The following CFAP54 variants were observed in gnomAD, a reference collection of about 807,000 sequenced individuals.
CFAP54 encodes the protein cilia and flagella associated protein 54.
CFAP54 carries 290 observed loss-of-function variants against 370.4 expected under a neutral mutation model. That is an observed-to-expected ratio of 0.78 (90% confidence interval 0.71 to 0.86). The LOEUF is 0.86. CFAP54 is among the 40% of genes least tolerant of loss of function. The probability of loss-of-function intolerance (pLI) is 0.00; values close to 1 mark genes in which losing one functional copy is unlikely to be tolerated. For missense variants in CFAP54, 3,399 were observed against 3,528.7 expected (o/e 0.96, Z 0.93); for synonymous variants, 1,206 against 1,236.5 (o/e 0.98, Z 0.52).
intron 26 of CFAP54, among the ~76,000 whole-genome samples, chr12:96,609,840 A>C (rs1165526728): frequency 2.0e-5 from 3 of 152,240 alleles, no homozygotes; most frequent in Non-Finnish European, 4.4e-5. Flanking sequence ...AATGTTAAAG[A>C]ATCTAAATAA....
chr12:96,591,635 A>G (rs1413815365), intron 23 of CFAP54, among the ~76,000 whole-genome samples: 1 of 152,138 alleles, frequency 6.6e-6, no homozygotes, highest in Admixed American at 6.5e-5. Flanking sequence ...CACGCCTGTA[A>G]TCCCAGCACT....
intron 60 of CFAP54, among the ~76,000 whole-genome samples, chr12:96,765,460 T>A (rs537334900): frequency 6.6e-6 from 1 of 152,178 alleles, no homozygotes; most frequent in African/African-American, 2.4e-5. Flanking sequence ...AAAAATGATA[T>A]TTTACATCTG....
At chr12:96,731,549 T>C (rs1957918728) in intron 50 of CFAP54, among the ~76,000 whole-genome samples, 1 of 152,224 alleles carries the variant, frequency 6.6e-6, no homozygotes. Flanking sequence ...TAGTATTTGT[T>C]GCCGATGATA....
At chr12:96,758,393 A>G (rs1455815059) in intron 58 of CFAP54, among the ~76,000 whole-genome samples, 2 of 152,172 alleles carry the variant, frequency 1.3e-5, no homozygotes, top group Non-Finnish European at 2.9e-5. Flanking sequence ...CAGACAAAGA[A>G]TGAGAACCAA....
intron 26 of CFAP54, among the ~76,000 whole-genome samples, chr12:96,616,829 C>T (rs974548318): frequency 1.5e-4 from 23 of 152,112 alleles, no homozygotes; most frequent in South Asian, 4.1e-4. Flanking sequence ...GTGCCATTGA[C>T]GGGTTTCACA....
At position 96,581,006 on chromosome 12, in the gene CFAP54, C is replaced by G; in HGVS notation, c.2976C>G (p.Asn992Lys). ...KYVFAVAAYS[N>K]NGKLVGGAIG... ...TATTTGCAGTTGCTGCCTATTCTAA[C>G]AACGGAAAGCTTGTCGGTGGTGCTA... The change falls in exon 22 of 68, where the codon AAC (asparagine) becomes AAG (lysine). Residue 992 changes from asparagine to lysine, a missense_variant. Physicochemically the swap from Asn to Lys is moderately conservative, Grantham distance 94 (BLOSUM62 0). Transcript: ENST00000524981. The G allele has an allele frequency of 3.9e-6, 6 of 1,534,096 alleles. No homozygotes were observed. In the South Asian group the frequency reaches 7.2e-5, roughly 18 times the overall value.
intron 55 of CFAP54, among the ~76,000 whole-genome samples, chr12:96,746,799 C>T: frequency 6.6e-6 from 1 of 152,124 alleles, no homozygotes; most frequent in South Asian, 2.1e-4. Flanking sequence ...TAGGAATAAT[C>T]TTCCCCTGAA....
chr12:96,546,256 C>T (rs538546705), intron 14 of CFAP54, among the ~76,000 whole-genome samples: 5 of 152,242 alleles, frequency 3.3e-5, no homozygotes, highest in South Asian at 2.1e-4. Context: ...TGGTGTCCAC[C>T]GCAGAATTGA....
At chr12:96,692,830 G>C (rs774731923) in intron 44 of CFAP54, among the ~76,000 whole-genome samples, 3 of 152,148 alleles carry the variant, frequency 2.0e-5, no homozygotes, top group Non-Finnish European at 2.9e-5. Context: ...CAGAGCTGTG[G>C]AGCTATGGGA....
At chr12:96,809,849 A>G (rs1389215974) in intron 63 of CFAP54, among the ~76,000 whole-genome samples, 1 of 152,178 alleles carries the variant, frequency 6.6e-6, no homozygotes, top group African/African-American at 2.4e-5. Flanking sequence ...CAATTCTGTT[A>G]GACTCCTGCC....
chr12:96,736,431 A>T (rs1274138435), intron 50 of CFAP54, among the ~76,000 whole-genome samples: 1 of 152,172 alleles, frequency 6.6e-6, no homozygotes, highest in Non-Finnish European at 1.5e-5. Flanking sequence ...CCTGGTCCCA[A>T]GCACCATGGC....
Position 96,554,567 on chromosome 12 carries a change from G to A in CFAP54, c.2284-109G>A, listed in dbSNP as rs1431783102. ...CAAAGGGCTGAGAAGTGAGCAGAATGTAATGGTTACAAATAAGATGATGAT... is the reference window on the plus strand; with the variant it reads ...CAAAGGGCTGAGAAGTGAGCAGAATATAATGGTTACAAATAAGATGATGAT... On this transcript the variant is annotated intron_variant, in intron 16 of 67. Transcript: ENST00000524981. The A allele has an allele frequency of 2.5e-6, 3 of 1,203,258 alleles. No homozygotes were observed. In the African/African-American group the frequency reaches 4.6e-5, roughly 18 times the overall value. 74.5% of individuals were successfully genotyped at this position (1,203,258 alleles called of 1,614,324 possible).
chr12:96,790,681 T>G (rs1425100807), intron 62 of CFAP54, among the ~76,000 whole-genome samples: 1 of 152,174 alleles, frequency 6.6e-6, no homozygotes, highest in African/African-American at 2.4e-5. Flanking sequence ...TTTTTTTTGA[T>G]GAACTGCCTG....
intron 4 of CFAP54, among the ~76,000 whole-genome samples, chr12:96,507,617 A>G (rs1272810566): frequency 6.6e-6 from 1 of 152,122 alleles, no homozygotes; most frequent in Non-Finnish European, 1.5e-5. Context: ...TCAGCTAAAA[A>G]ATGTAATACT....
At chr12:96,648,418 A>G (rs1463053728) in intron 34 of CFAP54, among the ~76,000 whole-genome samples, 1 of 152,010 alleles carries the variant, frequency 6.6e-6, no homozygotes, top group Non-Finnish European at 1.5e-5. Context: ...AGTCACCCAA[A>G]CTATCATGAT....
At chr12:96,682,358 C>G in intron 40 of CFAP54, 1 of 974,194 alleles carries the variant, frequency 1.0e-6, no homozygotes, top group Non-Finnish European at 1.2e-6. Context: ...CCATTATGTA[C>G]TCATTTTCTT....
chr12:96,691,041 T>C, intron 43 of CFAP54, 87 bp from the exon 44 acceptor site: 1 of 1,168,230 alleles, frequency 8.6e-7, no homozygotes, highest in Non-Finnish European at 1.2e-6. Context: ...AAGCATTTTA[T>C]AAAGCAATAC....
chr12:96,863,283 A>T (rs148840132), intron 67 of CFAP54, among the ~76,000 whole-genome samples: 295 of 152,230 alleles, frequency 1.9e-3, no homozygotes, highest in African/African-American at 6.7e-3. Context: ...CATTACCGCT[A>T]ACATTATTGC....
At chr12:96,817,341 A>G (rs1342274692) in intron 64 of CFAP54, among the ~76,000 whole-genome samples, 1 of 152,088 alleles carries the variant, frequency 6.6e-6, no homozygotes, top group Non-Finnish European at 1.5e-5. Flanking sequence ...TGAATGAATG[A>G]TGCTTGGCGA....
Sources: gnomAD v4.1 joint callset for allele counts (sites outside exome capture counted in the v4.1 genomes callset) on GRCh38, gnomAD v4.1.1 for gene constraint, MANE v1.5 for transcripts, NCBI Gene and HGNC (gene_info 2026-07-23, HGNC 2026-07-21) for gene names.